GPHN: variants seen among roughly 807,000 people sequenced by gnomAD.
The protein encoded by GPHN is gephyrin.
GPHN carries 17 observed loss-of-function variants against 95.5 expected under a neutral mutation model. The observed-to-expected ratio is 0.18, with a 90% CI of 0.12 to 0.27. GPHN has a LOEUF of 0.27. GPHN is among the 10% of genes least tolerant of loss of function. The pLI, the probability that GPHN is intolerant of heterozygous loss-of-function variation, is 1.00. For missense variants in GPHN, 660 were observed against 978.1 expected (o/e 0.67, Z 4.34); for synonymous variants, 320 against 322.5 (o/e 0.99, Z 0.08).
chr14:67,225,962 TGCGC>T, the GPHN span, among the ~76,000 whole-genome samples: 7 of 113,490 alleles, frequency 6.2e-5, no homozygotes, highest in Admixed American at 3.9e-4. Flanking sequence ...TGTGTGTGTG[TGCGC>T]GCGCGCGCGT....
chr14:66,998,731 A>G (rs1332863341), intron 9 of GPHN, among the ~76,000 whole-genome samples: 1 of 152,172 alleles, frequency 6.6e-6, no homozygotes, highest in South Asian at 2.1e-4. Context: ...GCATATCACT[A>G]TCTTCTGTGT....
chr14:67,612,336 A>G, the GPHN span, among the ~76,000 whole-genome samples: 62 of 152,316 alleles, frequency 4.1e-4, no homozygotes, highest in Admixed American at 7.2e-4. Flanking sequence ...ATGTGCTGGG[A>G]GCCCAAGATC....
chr14:67,114,794 G>T (rs1165757818), intron 16 of GPHN, among the ~76,000 whole-genome samples: 1 of 152,154 alleles, frequency 6.6e-6, no homozygotes, highest in Non-Finnish European at 1.5e-5. Context: ...GCTTTTGTAG[G>T]TCTGGACTCA....
At chr14:67,498,016 C>T in the GPHN span, among the ~76,000 whole-genome samples, 1 of 152,126 alleles carries the variant, frequency 6.6e-6, no homozygotes, top group African/African-American at 2.4e-5. Flanking sequence ...CGTCAACACT[C>T]CCAAAGGAGG....
chr14:67,611,525 C>T, the GPHN span, among the ~76,000 whole-genome samples: 3 of 152,144 alleles, frequency 2.0e-5, no homozygotes, highest in Admixed American at 1.3e-4. Context: ...CCTCAGCCTC[C>T]CAAAGGGCTG....
At chr14:66,898,463 G>C (rs187823639) in intron 5 of GPHN, among the ~76,000 whole-genome samples, 2 of 46,740 alleles carry the variant, frequency 4.3e-5, no homozygotes, top group East Asian at 8.6e-4. Context: ...AGTGCTACTT[G>C]TTTAAAAAAA....
the GPHN span, chr14:67,659,876 C>T: frequency 2.3e-5 from 37 of 1,614,004 alleles, no homozygotes; most frequent in Non-Finnish European, 2.5e-5. Flanking sequence ...CATGGGGTTT[C>T]GGAAAGACAG....
chr14:67,337,806 C>CTT, the GPHN span: 2 of 152,296 alleles, frequency 1.3e-5, no homozygotes, highest in South Asian at 4.1e-4. Context: ...TACCTTATTT[C>CTT]TTACTCTAAA....
chr14:67,552,772 A>T, the GPHN span, among the ~76,000 whole-genome samples: 1 of 151,290 alleles, frequency 6.6e-6, no homozygotes, highest in African/African-American at 2.4e-5. Flanking sequence ...GTCTCAAAAA[A>T]AAAAAACAAA....
chr14:66,917,648 G>C (rs946380827), intron 6 of GPHN, among the ~76,000 whole-genome samples: 1 of 152,160 alleles, frequency 6.6e-6, no homozygotes, highest in South Asian at 2.1e-4. Context: ...TATTCATTTA[G>C]AGTAGGATTG....
intron 4 of GPHN, among the ~76,000 whole-genome samples, chr14:66,861,718 A>G (rs919258116): frequency 2.6e-5 from 4 of 152,122 alleles, no homozygotes; most frequent in African/African-American, 9.6e-5. Context: ...AAACACGTGG[A>G]AATTAAACAA....
At chr14:67,122,614 A>G (rs539717514) in intron 17 of GPHN, among the ~76,000 whole-genome samples, 1 of 152,342 alleles carries the variant, frequency 6.6e-6, no homozygotes, top group African/African-American at 2.4e-5. Flanking sequence ...GTTAGGTTTC[A>G]AAGGATGTTT....
At chr14:67,596,295 ATTTTTTTTTTT>A in the GPHN span, among the ~76,000 whole-genome samples, 2 of 60,228 alleles carry the variant, frequency 3.3e-5, no homozygotes, top group Non-Finnish European at 5.5e-5. Flanking sequence ...CGCCCAGCTA[ATTTTTTTTTTT>A]TTTTTTTTTT....
the GPHN span, among the ~76,000 whole-genome samples, chr14:67,665,239 G>A: frequency 6.7e-6 from 1 of 148,628 alleles, no homozygotes; most frequent in South Asian, 2.1e-4. Context: ...AATCACAACA[G>A]CATCTAATGT....
the GPHN span, among the ~76,000 whole-genome samples, chr14:67,468,955 C>T: frequency 6.6e-6 from 1 of 152,076 alleles, no homozygotes; most frequent in African/African-American, 2.4e-5. Flanking sequence ...TCAGTCTTCT[C>T]GCTCGGGGAC....
chr14:66,942,679 T>G (rs1203157553), intron 8 of GPHN, among the ~76,000 whole-genome samples: 2 of 152,182 alleles, frequency 1.3e-5, no homozygotes, highest in Non-Finnish European at 2.9e-5. Flanking sequence ...TATATTAGTA[T>G]TATTCCCCAA....
At chr14:67,141,991 T>C (rs1329445864) in intron 17 of GPHN, among the ~76,000 whole-genome samples, 1 of 152,178 alleles carries the variant, frequency 6.6e-6, no homozygotes, top group Non-Finnish European at 1.5e-5. Flanking sequence ...CTGCTGAAGC[T>C]AGTGCAAGCA....
intron 2 of GPHN, among the ~76,000 whole-genome samples, chr14:66,722,125 A>T (rs1049759504): frequency 3.0e-4 from 45 of 152,070 alleles, no homozygotes; most frequent in African/African-American, 1.0e-3. Flanking sequence ...AATATTTTAT[A>T]AGCACATATA....
chr14:66,746,573 G>A (rs2058158000), intron 2 of GPHN, among the ~76,000 whole-genome samples: 1 of 150,230 alleles, frequency 6.7e-6, no homozygotes, highest in Non-Finnish European at 1.5e-5. Context: ...CCATAAATGG[G>A]CAGATCCAGG....
Sources: allele counts gnomAD v4.1 joint callset (sites outside exome capture counted in the v4.1 genomes callset), GRCh38; gene constraint gnomAD v4.1.1; transcripts MANE v1.5; gene names NCBI Gene and HGNC (gene_info 2026-07-23, HGNC 2026-07-21).